Variants in FRMPD2 observed in about 807,000 individuals in gnomAD.
FRMPD2 encodes FERM and PDZ domain containing 2.
Under a neutral mutation model 140.1 loss-of-function variants are expected in FRMPD2, and 96 were observed. The ratio of observed to expected loss-of-function variants is 0.69; its 90% CI spans 0.58 to 0.81. The LOEUF is 0.81. FRMPD2 is among the 40% of genes least tolerant of loss of function. The pLI is 0.00. For missense variants in FRMPD2, 1,240 were observed against 1,447.4 expected (o/e 0.86, Z 2.32); for synonymous variants, 449 against 547.6 (o/e 0.82, Z 2.52).
chr10:48,250,473 T>C (rs1840349366), intron 2 of FRMPD2, among the ~76,000 whole-genome samples: 1 of 152,174 alleles, frequency 6.6e-6, no homozygotes, highest in Admixed American at 6.5e-5. Context: ...CGATCTCAGC[T>C]CAGTGCAATC....
chr10:48,219,215 G>T (rs1839522914), intron 12 of FRMPD2, among the ~76,000 whole-genome samples: 1 of 150,526 alleles, frequency 6.6e-6, no homozygotes, highest in Non-Finnish European at 1.5e-5. Context: ...GAGTGTGTGT[G>T]GTTAACATTT....
chr10:48,220,819 T>C (rs1043899062), intron 12 of FRMPD2, among the ~76,000 whole-genome samples: 5 of 151,864 alleles, frequency 3.3e-5, no homozygotes, highest in African/African-American at 1.2e-4. Flanking sequence ...ATACAAATGG[T>C]CAACAAACAC....
At chr10:48,200,862 C>T (rs1839068941) in intron 15 of FRMPD2, among the ~76,000 whole-genome samples, 1 of 152,216 alleles carries the variant, frequency 6.6e-6, no homozygotes, top group African/African-American at 2.4e-5. Flanking sequence ...TCATAAATGA[C>T]ACCCTAGTAG....
At chr10:48,182,976 G>A (rs1251006578) in intron 20 of FRMPD2, among the ~76,000 whole-genome samples, 2 of 152,210 alleles carry the variant, frequency 1.3e-5, no homozygotes, top group Non-Finnish European at 2.9e-5. Flanking sequence ...CATTGGAGAT[G>A]TACTGAGGCC....
intron 13 of FRMPD2, among the ~76,000 whole-genome samples, chr10:48,211,599 A>G (rs893804210): frequency 3.3e-5 from 5 of 152,162 alleles, no homozygotes; most frequent in African/African-American, 1.2e-4. Flanking sequence ...CCTGGCCAAC[A>G]TGGGAAAACC....
intron 24 of FRMPD2, among the ~76,000 whole-genome samples, chr10:48,174,656 T>C (rs1221032017): frequency 1.3e-5 from 2 of 151,118 alleles, no homozygotes; most frequent in Non-Finnish European, 2.9e-5. Flanking sequence ...GGGTGAGATT[T>C]TTTTTACTCA....
At chr10:48,185,152 T>C (rs1172669313) in intron 18 of FRMPD2, among the ~76,000 whole-genome samples, 1 of 152,128 alleles carries the variant, frequency 6.6e-6, no homozygotes, top group Non-Finnish European at 1.5e-5. Flanking sequence ...TAATGAGACA[T>C]AGGAAAGAAA....
chr10:48,214,152 G>A (rs1277975787), intron 12 of FRMPD2, among the ~76,000 whole-genome samples: 1 of 152,120 alleles, frequency 6.6e-6, no homozygotes, highest in Non-Finnish European at 1.5e-5. Context: ...AAGTGCTGAT[G>A]AGTTTTCTTT....
chr10:48,178,886 C>T (rs527818206), intron 21 of FRMPD2: 6 of 152,490 alleles, frequency 3.9e-5, no homozygotes, highest in African/African-American at 1.4e-4. Context: ...GTCCCCTGCT[C>T]CCTGAGAGAG....
intron 13 of FRMPD2, among the ~76,000 whole-genome samples, chr10:48,207,175 T>C (rs1388440398): frequency 1.3e-5 from 2 of 152,060 alleles, no homozygotes; most frequent in Admixed American, 6.6e-5. Context: ...GGAATACTTT[T>C]CTCATGGAAT....
chr10:48,268,241 T>C (rs1024263579), intron 1 of FRMPD2, among the ~76,000 whole-genome samples: 11 of 152,210 alleles, frequency 7.2e-5, no homozygotes, highest in African/African-American at 2.7e-4. Context: ...CAAATGCTTA[T>C]GAGGATACAG....
In FRMPD2 at chr10:48,238,054, C is replaced by G; in HGVS notation, c.858G>C (p.Ser286=). 1 of 1,614,090 alleles carries G rather than the reference C, an allele frequency of 6.2e-7. No individual in the cohort carries two copies. The highest frequency in any genetic ancestry group is 8.5e-7 in the Non-Finnish European group (1 of 1,180,050). ...TTGTTGGCCATGAGCTGTCTGCTGC[C>G]GAGTGCACAGATCCAGAGCTGAGCC... ...GRRLSSGSVH[S]AADSSWPTTP... is the part of the protein sequence containing the mutation. The change falls in exon 8 of 29, where the codon TCG becomes TCC. Residue 286 remains serine (S), a synonymous_variant. Coordinates refer to ENST00000374201, the MANE Select transcript of FRMPD2 (RefSeq NM_001018071.4).
In FRMPD2 at chr10:48,240,368, G is replaced by A; in HGVS notation, c.692C>T (p.Pro231Leu). ...TTAGGGCACGTACCCACCTCTGCAA[G>A]GATGCAGACACTCCGGGGCCTGTGC... is the stretch of plus-strand genomic sequence containing the variant. The part of the protein sequence containing the change: ...PAAQAPECLH[P>L]CRVSERSTET... The change falls in exon 6 of 29, where the codon CCT becomes CTT. Residue 231 changes from proline to leucine, a missense_variant. Pro to Leu is a moderately conservative substitution (Grantham distance 98). Around this residue, in one of 6 missense-constraint regions of FRMPD2, gnomAD observed 1,161 missense variants for 1,055.9 expected, o/e 1.10. Coordinates refer to ENST00000374201, the MANE Select transcript of FRMPD2 (RefSeq NM_001018071.4). The A allele has an allele frequency of 1.2e-6, 2 of 1,612,080 alleles. No homozygotes were observed.
At chr10:48,188,346 G>T (rs57786719) in intron 16 of FRMPD2, among the ~76,000 whole-genome samples, 42,658 of 151,882 alleles carry the variant, frequency 0.28, 6,829 homozygotes, top group Non-Finnish European at 0.36. Context: ...CAGGGGCGGT[G>T]GGGGGAGGAG....
chr10:48,192,570 A>G (rs1838853553), intron 16 of FRMPD2, 114 bp downstream of exon 16: 1 of 960,076 alleles, frequency 1.0e-6, no homozygotes, highest in Non-Finnish European at 1.6e-6. Context: ...AGCCTGGGCA[A>G]CAAGAGCAAA....
chr10:48,186,501 G>A (rs1438089242), intron 17 of FRMPD2, among the ~76,000 whole-genome samples: 2 of 152,204 alleles, frequency 1.3e-5, no homozygotes, highest in African/African-American at 2.4e-5. Context: ...TAGTGAATAA[G>A]TCTCACGAGA....
At chr10:48,197,755 C>T (rs964988554) in intron 15 of FRMPD2, among the ~76,000 whole-genome samples, 10 of 152,198 alleles carry the variant, frequency 6.6e-5, no homozygotes, top group Admixed American at 1.3e-4. Context: ...AAAGCCAGTG[C>T]GCAGAACCAA....
At chr10:48,179,858 A>C (rs1838498947) in intron 21 of FRMPD2, among the ~76,000 whole-genome samples, 1 of 152,242 alleles carries the variant, frequency 6.6e-6, no homozygotes, top group Non-Finnish European at 1.5e-5. Flanking sequence ...GCATACACTC[A>C]GCCTGAGTAA....
chr10:48,222,504 T>C, intron 11 of FRMPD2, 53 bp from the exon 12 acceptor site: 1 of 1,591,654 alleles, frequency 6.3e-7, no homozygotes, highest in Admixed American at 1.7e-5. Flanking sequence ...AAAGGGAGAA[T>C]GTTAGCACCA....
Sources: allele counts gnomAD v4.1 joint callset (sites outside exome capture counted in the v4.1 genomes callset), GRCh38; gene constraint gnomAD v4.1.1; regional missense constraint gnomAD v4.1.1; transcripts MANE v1.5; gene names NCBI Gene and HGNC (gene_info 2026-07-23, HGNC 2026-07-21).